Variants in USP32 observed in about 807,000 individuals in gnomAD.
USP32 encodes ubiquitin specific peptidase 32.
USP32 carries 59 observed loss-of-function variants against 204.8 expected under a neutral mutation model. The observed-to-expected ratio is 0.29, with a 90% CI of 0.23 to 0.36. USP32 has a LOEUF of 0.36. USP32 is among the 10% of genes least tolerant of loss of function. The pLI, the probability that USP32 is intolerant of heterozygous loss-of-function variation, is 1.00. For synonymous variants in USP32, 517 were observed against 678.4 expected (o/e 0.76, Z 3.70); for missense variants, 1,160 against 1,946.4 (o/e 0.60, Z 7.60).
rs1181704277 is a variant in USP32 at position 60,211,530 on chromosome 17, T to C, written c.2180-16A>G. The C allele has an allele frequency of 6.2e-7, 1 of 1,604,076 alleles. No homozygotes were observed. The highest frequency in any genetic ancestry group is 1.3e-5 in the African/African-American group (1 of 74,390). ...TCTGTGGGAACTGGAACAAACAATA[T>C]GAGAACCAAAGCTTAGCTGTAGTAA... is the stretch of plus-strand genomic sequence containing the variant. On this transcript the variant is annotated splice_polypyrimidine_tract_variant and intron_variant, in intron 19 of 33. Coordinates refer to ENST00000300896, the MANE Select transcript of USP32 (RefSeq NM_032582.4).
intron 5 of USP32, among the ~76,000 whole-genome samples, chr17:60,281,556 T>C (rs1253774057): frequency 6.6e-6 from 1 of 151,702 alleles, no homozygotes; most frequent in Non-Finnish European, 1.5e-5. Context: ...AAAAATGCTG[T>C]ATACCAGACG....
At chr17:60,418,235 G>A (rs1180001131) in intron 1 of USP32, among the ~76,000 whole-genome samples, 1 of 152,058 alleles carries the variant, frequency 6.6e-6, no homozygotes, top group Non-Finnish European at 1.5e-5. Context: ...TGGGATTACA[G>A]GCGTGAGACC....
At chr17:60,234,232 C>G (rs1390136482) in intron 12 of USP32, among the ~76,000 whole-genome samples, 2 of 151,312 alleles carry the variant, frequency 1.3e-5, no homozygotes, top group African/African-American at 2.4e-5. Context: ...TCCTGCCTCA[C>G]CCTCCCGAGT....
chr17:60,265,442 T>C lies in USP32; in HGVS notation c.960A>G (p.Glu320=). ...TGGTGTCATGTGCATTCAGTATGCC[T>C]TCTACAATATCAGAGAGATCCATAT... ...ELHMDLSDIV[E]GILNAHDTTK... The change falls in exon 9 of 34, where the codon GAA becomes GAG. Residue 320 remains glutamate, a synonymous_variant. Transcript: ENST00000300896. The C allele has an allele frequency of 6.2e-7, 1 of 1,606,712 alleles. No homozygotes were observed. Among genetic ancestry groups the C allele is most frequent in the Non-Finnish European group, 8.5e-7 (1 of 1,174,502 alleles).
At chr17:60,311,610 A>G (rs1396543258) in intron 2 of USP32, among the ~76,000 whole-genome samples, 1 of 152,152 alleles carries the variant, frequency 6.6e-6, no homozygotes, top group East Asian at 1.9e-4. Context: ...ATCACCTGAG[A>G]TCAGAAGTTA....
chr17:60,194,879 T>A (rs939581990), intron 27 of USP32, among the ~76,000 whole-genome samples: 1 of 152,232 alleles, frequency 6.6e-6, no homozygotes, highest in Admixed American at 6.5e-5. Flanking sequence ...CTTGCCTCTT[T>A]ACCCACTGTC....
At chr17:60,205,272 T>C (rs999451827) in intron 26 of USP32, among the ~76,000 whole-genome samples, 175 bp downstream of exon 26, 1 of 152,194 alleles carries the variant, frequency 6.6e-6, no homozygotes, top group African/African-American at 2.4e-5. Context: ...CAGCAACAGA[T>C]TTTGAGGACA....
At chr17:60,274,358 T>C (rs753470915) in intron 5 of USP32, among the ~76,000 whole-genome samples, 5 of 152,136 alleles carry the variant, frequency 3.3e-5, no homozygotes, top group African/African-American at 7.2e-5. Context: ...CAGAAAGGGA[T>C]AGGCAGAAAA....
chr17:60,286,825 C>T (rs1364731861), intron 5 of USP32, among the ~76,000 whole-genome samples: 2 of 152,180 alleles, frequency 1.3e-5, no homozygotes, highest in Non-Finnish European at 2.9e-5. Flanking sequence ...GAACTAAAGA[C>T]TCAATGCTCA....
intron 1 of USP32, among the ~76,000 whole-genome samples, chr17:60,373,169 G>C (rs1370510886): frequency 1.3e-5 from 2 of 152,092 alleles, no homozygotes; most frequent in Non-Finnish European, 2.9e-5. Flanking sequence ...ATCTACCCTG[G>C]GTGACTGAAC....
chr17:60,314,792 C>T (rs1031296981), intron 2 of USP32, among the ~76,000 whole-genome samples: 2 of 151,992 alleles, frequency 1.3e-5, no homozygotes, highest in Admixed American at 6.6e-5. Context: ...ATAATACATT[C>T]CTGAAAAATA....
At chr17:60,387,159 T>C (rs1181199880) in intron 1 of USP32, among the ~76,000 whole-genome samples, 1 of 152,234 alleles carries the variant, frequency 6.6e-6, no homozygotes, top group Non-Finnish European at 1.5e-5. Context: ...TGATACATTA[T>C]GCTAAACGAA....
intron 2 of USP32, among the ~76,000 whole-genome samples, chr17:60,322,629 A>G (rs1344699142): frequency 3.9e-5 from 6 of 152,186 alleles, no homozygotes; most frequent in Non-Finnish European, 8.8e-5. Flanking sequence ...TCAGGGTTCA[A>G]AAAAAGGAGA....
intron 2 of USP32, among the ~76,000 whole-genome samples, chr17:60,333,533 G>C (rs1352468105): frequency 6.6e-6 from 1 of 152,168 alleles, no homozygotes; most frequent in Non-Finnish European, 1.5e-5. Flanking sequence ...CCGGGAGGTG[G>C]AGGTTACAGT....
chr17:60,186,014 C>G (rs2084241448), intron 29 of USP32: 1 of 172,098 alleles, frequency 5.8e-6, no homozygotes. Flanking sequence ...GATTACACCA[C>G]TGCGCTCCAG....
chr17:60,371,119 T>C (rs867987747), intron 1 of USP32, among the ~76,000 whole-genome samples: 15 of 151,242 alleles, frequency 9.9e-5, no homozygotes, highest in South Asian at 8.4e-4. Flanking sequence ...CTGGGTATGG[T>C]GGTGTGAACT....
chr17:60,392,542 G>T, upstream of USP32: 1 of 398,828 alleles, frequency 2.5e-6, no homozygotes, highest in Non-Finnish European at 5.1e-6. Context: ...AGCAGCTGAC[G>T]GTTAGTGTGG....
chr17:60,249,728 T>C, intron 11 of USP32: 1 of 701,498 alleles, frequency 1.4e-6, no homozygotes, highest in South Asian at 1.5e-5. Context: ...CAATTTCTTG[T>C]ATATATTTGG....
intron 28 of USP32, among the ~76,000 whole-genome samples, chr17:60,192,316 A>AG (rs1181495884): frequency 6.6e-6 from 1 of 152,180 alleles, no homozygotes; most frequent in Non-Finnish European, 1.5e-5. Context: ...AACACAAAAA[A>AG]GGAGAGGTGA....
Sources: allele counts gnomAD v4.1 joint callset (sites outside exome capture counted in the v4.1 genomes callset), GRCh38; gene constraint gnomAD v4.1.1; transcripts MANE v1.5; gene names NCBI Gene and HGNC (gene_info 2026-07-23, HGNC 2026-07-21).